KCNQ2: variants seen among roughly 807,000 people sequenced by gnomAD.
KCNQ2 encodes the protein potassium voltage-gated channel subfamily KQT member 2.
In KCNQ2, 14 loss-of-function variants were observed where a neutral mutation model predicts 84.8. The observed-to-expected ratio is 0.17, with a 90% confidence interval of 0.11 to 0.26. KCNQ2 has a LOEUF of 0.26. KCNQ2 is among the 10% of genes least tolerant of loss of function. The pLI is 1.00. For missense variants in KCNQ2, 788 were observed against 1,254.0 expected (o/e 0.63, Z 5.61); for synonymous variants, 599 against 554.1 (o/e 1.08, Z -1.14).
chr20:63,442,852 C>T (rs1398325889), intron 4 of KCNQ2, among the ~76,000 whole-genome samples: 4 of 75,934 alleles, frequency 5.3e-5, no homozygotes, highest in South Asian at 4.5e-4. Flanking sequence ...CCATCACCAT[C>T]ACCACCACCA....
Position 63,414,201 on chromosome 20 carries a change from G to A in KCNQ2, c.1526-8C>T, listed in dbSNP as rs764932729. The A allele has an allele frequency of 3.1e-6, 5 of 1,606,030 alleles. No homozygotes were observed. The highest frequency in any genetic ancestry group is 3.3e-5 in the Admixed American group (2 of 60,000). The stretch of plus-strand genomic sequence containing the variant: ...CTCCGGGGAGGCTTGCTTCTGGGGG[G>A]AAGGAGACAGGCCGTGAGGGGCCGA... On this transcript the variant is annotated splice_polypyrimidine_tract_variant and splice_region_variant and intron_variant, in intron 13 of 16. Coordinates refer to ENST00000359125, the MANE Select transcript of KCNQ2 (RefSeq NM_172107.4). The surrounding 1 kb of genome is among the most constrained non-coding windows in gnomAD (Gnocchi z 6.6).
Position 63,405,465 on chromosome 20 carries a change from G to A in KCNQ2, c.*1179C>T, listed in dbSNP as rs1568854481. On this transcript the variant is annotated 3_prime_UTR_variant, in exon 17 of 17. Coordinates refer to ENST00000359125, the MANE Select transcript of KCNQ2 (RefSeq NM_172107.4). ...CGCTAAGGAATCGGTCAGTGGAGAA[G>A]GGGCCATCAGCTCCAGGGGGCAGGA... 6.6e-6 allele frequency: 1 copy of A among 152,490 alleles called. No homozygotes were observed. Among genetic ancestry groups the A allele is most frequent in the Non-Finnish European group, 1.5e-5 (1 of 68,248 alleles). 9.4% of individuals were successfully genotyped at this position (152,490 alleles called of 1,614,324 possible).
rs990274551 is a variant in KCNQ2 at position 63,446,497 on chromosome 20, G to A, written c.387+250C>T. ...CACCCAGGGTGGGGGCGATGGAGGC[G>A]GGGCTGTCAGCCACTGTGAGGTCAC... On this transcript the variant is annotated intron_variant, in intron 2 of 16. Coordinates refer to ENST00000359125, the MANE Select transcript of KCNQ2 (RefSeq NM_172107.4). The surrounding 1 kb of genome is among the most constrained non-coding windows in gnomAD (Gnocchi z 5.5). Among the ~76,000 whole-genome samples the A allele has an allele frequency of 2.0e-5, 3 of 152,156 alleles. No homozygotes were observed. The highest frequency in any genetic ancestry group is 2.9e-5 in the Non-Finnish European group (2 of 68,024).
At position 63,406,572 on chromosome 20, in the gene KCNQ2, G is replaced by A. The variant is rs918449274; in HGVS notation, c.*72C>T. On this transcript the variant is annotated 3_prime_UTR_variant, in exon 17 of 17. Transcript: ENST00000359125. ...TACTGTAAGAAAAGGGCCCCAGAGGGTTCCCGCCTCAAAACCTCGGAGGCA... is the reference window on the plus strand; with the variant it reads ...TACTGTAAGAAAAGGGCCCCAGAGGATTCCCGCCTCAAAACCTCGGAGGCA... 6.1e-6 allele frequency: 9 copies of A among 1,474,600 alleles called. No homozygotes were observed. In the Admixed American group the frequency reaches 6.9e-5, roughly 11 times the overall value. 91.3% of individuals were successfully genotyped at this position (1,474,600 alleles called of 1,614,324 possible).
intron 15 of KCNQ2, chr20:63,413,194 C>T: frequency 1.9e-6 from 1 of 538,946 alleles, no homozygotes; most frequent in Non-Finnish European, 3.5e-6. Flanking sequence ...CATGCACACA[C>T]ACATTTTCAG....
At chr20:63,439,380 A>G (rs1293774127) in intron 6 of KCNQ2, among the ~76,000 whole-genome samples, 1 of 152,206 alleles carries the variant, frequency 6.6e-6, no homozygotes, top group Non-Finnish European at 1.5e-5. Flanking sequence ...AGCCTTGGGC[A>G]TGCTCCTGTC....
rs1205642760 is a variant in KCNQ2, at chr20:63,414,449, G to A, written c.1526-256C>T. Among the ~76,000 whole-genome samples the A allele has an allele frequency of 2.0e-5, 3 of 152,142 alleles. No individual in the cohort carries two copies. In the East Asian group the frequency reaches 5.8e-4, roughly 30 times the overall value. ...TCAAAGGACATTCTGGCCAATGGAT[G>A]AACAGAACATGGCGCATCCACGCAC... On this transcript the variant is annotated intron_variant, in intron 13 of 16. Coordinates refer to ENST00000359125, the MANE Select transcript of KCNQ2 (RefSeq NM_172107.4). This position sits in a 1 kb window ranked among gnomAD's most constrained non-coding sequence, Gnocchi z 6.6.
chr20:63,427,178 C>T lies in KCNQ2; in HGVS notation c.1217+1189G>A, dbSNP rs939259008. On this transcript the variant is annotated intron_variant, in intron 10 of 16. Transcript: ENST00000359125. The stretch of plus-strand genomic sequence containing the variant: ...TGGAGGTTGCAGTGAGCCAAGATCG[C>T]ACCACTGCATTCCAGCCTGGGCGAA... Among the ~76,000 whole-genome samples, 7 of 152,332 alleles carry T rather than the reference C, an allele frequency of 4.6e-5. No individual in the cohort carries two copies. The East Asian group carries it at 1.3e-3, about 29-fold the overall frequency.
chr20:63,464,881 AC>A (rs1424869161), intron 1 of KCNQ2, among the ~76,000 whole-genome samples: 1 of 151,964 alleles, frequency 6.6e-6, no homozygotes, highest in Non-Finnish European at 1.5e-5. Flanking sequence ...TCCCCCACGC[AC>A]CCCCAGTCCC....
rs1398157856 is a variant in KCNQ2, at chr20:63,414,869, AG to A, written c.1525+33del. On this transcript the variant is annotated intron_variant, in intron 13 of 16. Transcript: ENST00000359125. The surrounding 1 kb of genome is among the most constrained non-coding windows in gnomAD (Gnocchi z 6.6). ...GTGGCCACCACATCCATCCCCGGAG[AG>A]GATGGACCAGGAGAGGATGCGGCCA... 1.9e-6 allele frequency: 3 copies of A among 1,584,998 alleles called. No homozygotes were observed. Among genetic ancestry groups the A allele is most frequent in the Non-Finnish European group, 2.6e-6 (3 of 1,155,878 alleles).
chr20:63,457,093 G>A (rs1261208632), intron 1 of KCNQ2, among the ~76,000 whole-genome samples: 2 of 152,262 alleles, frequency 1.3e-5, no homozygotes, highest in East Asian at 1.9e-4. Flanking sequence ...CCTCAGAAGT[G>A]ACGGGCGCGG....
chr20:63,428,507 A>T (rs2080699929), intron 9 of KCNQ2, 72 bp from the exon 10 acceptor site: 3 of 1,303,026 alleles, frequency 2.3e-6, no homozygotes, highest in Non-Finnish European at 3.3e-6. Context: ...CTCTGCTTGC[A>T]CAGCTCCATG....
intron 5 of KCNQ2, 63 bp from the exon 6 acceptor site, chr20:63,439,771 C>T (rs1568928083): frequency 3.8e-5 from 47 of 1,237,098 alleles, no homozygotes; most frequent in South Asian, 1.2e-4. Flanking sequence ...GCAGGCTGGA[C>T]GCCCGCTGGC....
chr20:63,428,523 G>C, intron 9 of KCNQ2, 88 bp from the exon 10 acceptor site: 2 of 1,171,200 alleles, frequency 1.7e-6, no homozygotes. Context: ...CCATGGGCAG[G>C]CGCCTGCAGT....
intron 1 of KCNQ2, among the ~76,000 whole-genome samples, chr20:63,461,512 A>T (rs1020026916): frequency 6.6e-6 from 1 of 152,180 alleles, no homozygotes; most frequent in African/African-American, 2.4e-5. Context: ...ACACAAGGGG[A>T]TCCTCTGGCC....
intron 4 of KCNQ2, among the ~76,000 whole-genome samples, chr20:63,443,275 C>T (rs1474953603): frequency 9.4e-6 from 1 of 106,794 alleles, no homozygotes; most frequent in Non-Finnish European, 2.0e-5. Context: ...TCATCACCAC[C>T]ATCACCATCA....
intron 1 of KCNQ2, among the ~76,000 whole-genome samples, chr20:63,465,771 G>C (rs967700989): frequency 1.4e-4 from 22 of 152,294 alleles, no homozygotes; most frequent in African/African-American, 5.3e-4. Context: ...GCACCGTTTT[G>C]AGACTCCCAG....
At chr20:63,452,964 G>A (rs1468164627) in intron 1 of KCNQ2, among the ~76,000 whole-genome samples, 3 of 152,222 alleles carry the variant, frequency 2.0e-5, no homozygotes, top group Admixed American at 2.0e-4. Flanking sequence ...GCAGGCTGAG[G>A]GGAGGGTCCA....
chr20:63,455,581 G>A (rs186601539), intron 1 of KCNQ2, among the ~76,000 whole-genome samples: 1 of 152,192 alleles, frequency 6.6e-6, no homozygotes, highest in Non-Finnish European at 1.5e-5. Context: ...AGTGCAAAGA[G>A]GAGAAGTTGG....
Sources: gnomAD v4.1 joint callset for allele counts (sites outside exome capture counted in the v4.1 genomes callset) on GRCh38, gnomAD v4.1.1 for gene constraint, Gnocchi (gnomAD v3.1) non-coding constraint, MANE v1.5 for transcripts, NCBI Gene and HGNC (gene_info 2026-07-23, HGNC 2026-07-21) for gene names.